The following UBE2E2 variants were observed in gnomAD, a reference collection of about 807,000 sequenced individuals.
The protein encoded by UBE2E2 is ubiquitin conjugating enzyme E2 E2, also known as ubiquitin-conjugating enzyme E2 E2.
UBE2E2 carries 6 observed loss-of-function variants against 24.7 expected under a neutral mutation model. The ratio of observed to expected loss-of-function variants is 0.24; its 90% CI spans 0.13 to 0.48. The LOEUF (loss-of-function observed/expected upper bound fraction) is 0.48, where lower values mean the gene tolerates loss of function less well. Among genes scored for constraint, UBE2E2 ranks in the 20% least tolerant of loss-of-function variants. UBE2E2 has a pLI of 0.99. For missense variants in UBE2E2, 169 were observed against 245.0 expected, an observed-to-expected ratio of 0.69 and a Z score of 2.07; for synonymous variants, 104 against 83.6, an observed-to-expected ratio of 1.24 and a Z score of -1.33.
chr3:23,476,080 T>G (rs1699128155), intron 3 of UBE2E2, among the ~76,000 whole-genome samples: 1 of 152,064 alleles, frequency 6.6e-6, no homozygotes, highest in African/African-American at 2.4e-5. Context: ...CCTTTCCATA[T>G]TGTGTTCTGC....
intron 3 of UBE2E2, among the ~76,000 whole-genome samples, chr3:23,336,080 C>G (rs1695201495): frequency 6.6e-6 from 1 of 152,040 alleles, no homozygotes; most frequent in South Asian, 2.1e-4. Context: ...CTTATTTTCA[C>G]TTACTAGTAA....
At chr3:23,546,293 C>G (rs1559417496) in intron 5 of UBE2E2, among the ~76,000 whole-genome samples, 1 of 151,822 alleles carries the variant, frequency 6.6e-6, no homozygotes. Context: ...TACCAGTGAC[C>G]TATTTTTGTT....
Position 23,407,920 on chromosome 3 carries a change from G to A in UBE2E2, c.228-91688G>A, listed in dbSNP as rs1559375004. Among the ~76,000 whole-genome samples the A allele has an allele frequency of 6.8e-6, 1 of 147,040 alleles. No individual in the cohort carries two copies. Among genetic ancestry groups the A allele is most frequent in the Non-Finnish European group, 1.5e-5 (1 of 67,214 alleles). ...ATTTGAAGTTTATAGAAATTAGTGG[G>A]TATTGGAACCTTCTGAAATGAAATA... On this transcript the variant is annotated intron_variant, in intron 3 of 5. Transcript: ENST00000396703. This position sits in a 1 kb window ranked among gnomAD's most constrained non-coding sequence, Gnocchi z 4.0.
intron 3 of UBE2E2, among the ~76,000 whole-genome samples, chr3:23,297,637 T>C (rs973399005): frequency 7.2e-5 from 11 of 152,160 alleles, no homozygotes; most frequent in African/African-American, 2.4e-4. Context: ...TTCTGTTCCA[T>C]TGGTCTATAT....
intron 2 of UBE2E2, among the ~76,000 whole-genome samples, chr3:23,212,513 T>C (rs1000231073): frequency 6.6e-6 from 1 of 152,188 alleles, no homozygotes; most frequent in Non-Finnish European, 1.5e-5. Flanking sequence ...ATGTGAATTT[T>C]ATATCATATT....
At chr3:23,264,228 A>G (rs1422255764) in intron 3 of UBE2E2, among the ~76,000 whole-genome samples, 2 of 152,130 alleles carry the variant, frequency 1.3e-5, no homozygotes, top group Non-Finnish European at 2.9e-5. Flanking sequence ...AATGCAAATT[A>G]GAATAAGTGT....
At chr3:23,514,316 A>G (rs565648836) in intron 4 of UBE2E2, among the ~76,000 whole-genome samples, 1 of 152,212 alleles carries the variant, frequency 6.6e-6, no homozygotes. Context: ...ACCTTCTAAG[A>G]TCCAAAGACC....
At chr3:23,464,000 A>G (rs901349111) in intron 3 of UBE2E2, among the ~76,000 whole-genome samples, 6 of 152,144 alleles carry the variant, frequency 3.9e-5, no homozygotes, top group African/African-American at 1.4e-4. Flanking sequence ...TCAAAATAGC[A>G]TGTTTGCATA....
At chr3:23,228,798 C>T (rs894646066) in intron 3 of UBE2E2, among the ~76,000 whole-genome samples, 19 of 152,112 alleles carry the variant, frequency 1.2e-4, no homozygotes, top group African/African-American at 2.9e-4. Context: ...TCTTCTAAAA[C>T]GTTTAATAGA....
At chr3:23,298,797 C>G (rs1057003989) in intron 3 of UBE2E2, among the ~76,000 whole-genome samples, 4 of 152,048 alleles carry the variant, frequency 2.6e-5, no homozygotes, top group African/African-American at 9.7e-5. Context: ...ATGATGCTGG[C>G]CTCATAAAAT....
At chr3:23,368,517 T>C (rs564866744) in intron 3 of UBE2E2, among the ~76,000 whole-genome samples, 1 of 152,336 alleles carries the variant, frequency 6.6e-6, no homozygotes, top group South Asian at 2.1e-4. Context: ...AGCATTTACT[T>C]CAGGGTTTTC....
intron 3 of UBE2E2, among the ~76,000 whole-genome samples, chr3:23,306,607 T>C (rs1193368121): frequency 6.6e-6 from 1 of 152,218 alleles, no homozygotes; most frequent in Admixed American, 6.5e-5. Context: ...CAAATGTCGA[T>C]ATTGCTTAGT....
chr3:23,561,425 G>A (rs1196889942), intron 5 of UBE2E2, among the ~76,000 whole-genome samples: 3 of 152,098 alleles, frequency 2.0e-5, no homozygotes, highest in Non-Finnish European at 4.4e-5. Context: ...TGTTCCATTG[G>A]TCTATATCTC....
intron 3 of UBE2E2, among the ~76,000 whole-genome samples, chr3:23,218,543 T>C (rs1194443411): frequency 6.6e-6 from 1 of 152,038 alleles, no homozygotes; most frequent in East Asian, 1.9e-4. Flanking sequence ...TTTGTTTTAA[T>C]GGTCTGAATC....
At chr3:23,370,275 A>C (rs531070481) in intron 3 of UBE2E2, among the ~76,000 whole-genome samples, 3 of 152,092 alleles carry the variant, frequency 2.0e-5, no homozygotes, top group Admixed American at 2.0e-4. Flanking sequence ...TAAGTTTGTT[A>C]TTTTGAATCA....
intron 3 of UBE2E2, among the ~76,000 whole-genome samples, chr3:23,284,979 T>A (rs1042289564): frequency 1.3e-5 from 2 of 148,422 alleles, no homozygotes; most frequent in Non-Finnish European, 3.0e-5. Flanking sequence ...ATATATATAT[T>A]TATATATTTA....
intron 5 of UBE2E2, among the ~76,000 whole-genome samples, chr3:23,547,585 A>T (rs1461174755): frequency 6.6e-6 from 1 of 152,208 alleles, no homozygotes; most frequent in Non-Finnish European, 1.5e-5. Context: ...TGTCAGAAAC[A>T]CCTGTACCTG....
In UBE2E2 at chr3:23,239,324, A is replaced by G. The variant is rs73823403; in HGVS notation, c.227+22012A>G. On this transcript the variant is annotated intron_variant, in intron 3 of 5. Coordinates refer to ENST00000396703, the MANE Select transcript of UBE2E2 (RefSeq NM_152653.4). ...TACAATTCACTCTTTTAAATTATGC[A>G]ATTCAGTAGTTTCTAGTGTACTCAC... 5.1e-3 allele frequency among the ~76,000 whole-genome samples: 770 copies of G among 152,240 alleles called. 6 individuals are homozygous for G. Among genetic ancestry groups the G allele is most frequent in the African/African-American group, 0.017 (718 of 41,536 alleles).
intron 3 of UBE2E2, among the ~76,000 whole-genome samples, chr3:23,491,108 G>T (rs1309537412): frequency 6.6e-6 from 1 of 152,084 alleles, no homozygotes; most frequent in African/African-American, 2.4e-5. Context: ...TTCTATCAGC[G>T]CTATTATATC....
Sources: gnomAD v4.1 joint callset for allele counts (sites outside exome capture counted in the v4.1 genomes callset) on GRCh38, gnomAD v4.1.1 for gene constraint, Gnocchi (gnomAD v3.1) non-coding constraint, MANE v1.5 for transcripts, NCBI Gene and HGNC (gene_info 2026-07-23, HGNC 2026-07-21) for gene names.